CEP112: variants seen among roughly 807,000 people sequenced by gnomAD.
CEP112 encodes the protein centrosomal protein of 112 kDa.
A neutral mutation model predicts 153.0 loss-of-function variants in CEP112; 127 were observed. That is an observed-to-expected ratio of 0.83 (90% CI 0.72 to 0.96). CEP112 has a LOEUF of 0.96. CEP112 is among the 40% of genes least tolerant of loss of function. The probability of loss-of-function intolerance (pLI) is 0.00; values close to 1 mark genes in which losing one functional copy is unlikely to be tolerated. For missense variants in CEP112, 1,089 were observed against 1,101.2 expected, an observed-to-expected ratio of 0.99 and a Z score of 0.16; for synonymous variants, 358 against 374.4, an observed-to-expected ratio of 0.96 and a Z score of 0.51.
At chr17:65,791,364 C>T (rs1035995882) in intron 21 of CEP112, among the ~76,000 whole-genome samples, 1 of 152,154 alleles carries the variant, frequency 6.6e-6, no homozygotes, top group African/African-American at 2.4e-5. Context: ...GAATCAGCCA[C>T]CAGGATCTTG....
chr17:65,927,815 A>G (rs2060983209), intron 18 of CEP112, 126 bp from the exon 19 acceptor site: 1 of 461,038 alleles, frequency 2.2e-6, no homozygotes, highest in Non-Finnish European at 3.7e-6. Context: ...ATGAATTTAA[A>G]TGTATTAAAA....
chr17:65,950,699 C>CTATTATTAGTAGTAGTAG (rs57598697), intron 18 of CEP112, among the ~76,000 whole-genome samples: 57 of 147,184 alleles, frequency 3.9e-4, no homozygotes, highest in East Asian at 1.0e-3. Context: ...GGATACATTA[C>CTATTATTAGTAGTAGTAG]TAGTAGTAGT....
chr17:66,028,127 C>G (rs1024425880), intron 15 of CEP112, among the ~76,000 whole-genome samples, 186 bp downstream of exon 15: 1 of 20,378 alleles, frequency 4.9e-5, no homozygotes, highest in African/African-American at 9.2e-5. Flanking sequence ...ACTTTATTCT[C>G]TACATCTCAA....
At chr17:65,908,814 T>C (rs991493672) in intron 19 of CEP112, among the ~76,000 whole-genome samples, 4 of 152,196 alleles carry the variant, frequency 2.6e-5, no homozygotes, top group African/African-American at 9.6e-5. Context: ...TCGGCCTCCA[T>C]TTCAGAACAG....
chr17:66,083,901 A>G (rs2067820492), intron 8 of CEP112, among the ~76,000 whole-genome samples: 3 of 152,216 alleles, frequency 2.0e-5, no homozygotes, highest in Non-Finnish European at 2.9e-5. Context: ...GATTACTATC[A>G]GTATTTACAG....
intron 6 of CEP112, among the ~76,000 whole-genome samples, chr17:66,117,794 TAA>T (rs1250093304): frequency 1.3e-5 from 2 of 152,122 alleles, no homozygotes; most frequent in Non-Finnish European, 2.9e-5. Context: ...CCAAAATACA[TAA>T]AGAGTTCACA....
chr17:65,884,304 G>A (rs756276808), intron 20 of CEP112, among the ~76,000 whole-genome samples: 2 of 152,172 alleles, frequency 1.3e-5, no homozygotes, highest in African/African-American at 2.4e-5. Context: ...GCATGAAAGC[G>A]TTATTTGCAG....
intron 6 of CEP112, among the ~76,000 whole-genome samples, chr17:66,117,941 A>C (rs981564600): frequency 3.3e-5 from 5 of 152,228 alleles, no homozygotes; most frequent in African/African-American, 1.2e-4. Flanking sequence ...AAAGAAATGC[A>C]AATCAAAACC....
At chr17:66,059,549 G>A (rs1260073185) in intron 11 of CEP112, among the ~76,000 whole-genome samples, 1 of 152,150 alleles carries the variant, frequency 6.6e-6, no homozygotes, top group African/African-American at 2.4e-5. Context: ...ACGAAAAAAT[G>A]TTCAACATCA....
chr17:65,653,535 C>T (rs1013847772), intron 24 of CEP112, among the ~76,000 whole-genome samples: 1 of 151,984 alleles, frequency 6.6e-6, no homozygotes, highest in East Asian at 1.9e-4. Context: ...CAAGGGCAGG[C>T]ACTGCAATTG....
At chr17:65,981,384 C>A (rs933932345) in intron 17 of CEP112, among the ~76,000 whole-genome samples, 1 of 152,106 alleles carries the variant, frequency 6.6e-6, no homozygotes, top group Non-Finnish European at 1.5e-5. Context: ...TATTCGATAG[C>A]TAATAGCCAA....
chr17:66,100,894 G>T (rs1213065911), intron 6 of CEP112, among the ~76,000 whole-genome samples: 1 of 152,056 alleles, frequency 6.6e-6, no homozygotes, highest in Non-Finnish European at 1.5e-5. Context: ...GTAATATAGA[G>T]ATTATTTAAT....
chr17:65,731,147 A>C (rs1383686088), intron 23 of CEP112, among the ~76,000 whole-genome samples: 2 of 152,154 alleles, frequency 1.3e-5, no homozygotes, highest in African/African-American at 4.8e-5. Context: ...TGGCTTTGGC[A>C]TACAGCCTTT....
At chr17:66,024,135 C>T (rs1002023371) in intron 16 of CEP112, among the ~76,000 whole-genome samples, 3 of 152,068 alleles carry the variant, frequency 2.0e-5, no homozygotes, top group African/African-American at 4.8e-5. Flanking sequence ...ATGATAAAAA[C>T]CTTCAACAAA....
chr17:66,075,377 T>C (rs984274653), intron 8 of CEP112, among the ~76,000 whole-genome samples: 4 of 152,084 alleles, frequency 2.6e-5, no homozygotes, highest in Non-Finnish European at 4.4e-5. Flanking sequence ...TTGACTTTGA[T>C]ATGGTAAGGA....
At chr17:65,957,765 C>CT (rs1199102255) in intron 18 of CEP112, among the ~76,000 whole-genome samples, 4 of 152,092 alleles carry the variant, frequency 2.6e-5, no homozygotes, top group South Asian at 4.2e-4. Flanking sequence ...TCAAGCTTTG[C>CT]TTTTTAACTT....
intron 10 of CEP112, among the ~76,000 whole-genome samples, chr17:66,064,772 G>A (rs2067052260): frequency 6.6e-6 from 1 of 151,934 alleles, no homozygotes. Context: ...TAAACCTTAG[G>A]CATGTTTGAA....
intron 20 of CEP112, among the ~76,000 whole-genome samples, chr17:65,888,694 C>G (rs2059367789): frequency 6.6e-6 from 1 of 152,052 alleles, no homozygotes; most frequent in Non-Finnish European, 1.5e-5. Context: ...TTACTCAGCC[C>G]AAACAAATTC....
intron 6 of CEP112, among the ~76,000 whole-genome samples, chr17:66,124,721 A>C (rs994287259): frequency 5.3e-5 from 8 of 152,114 alleles, no homozygotes; most frequent in African/African-American, 1.9e-4. Context: ...AAGAAAAAAA[A>C]CACAAACAGA....
Sources: gnomAD v4.1 joint callset for allele counts (sites outside exome capture counted in the v4.1 genomes callset) on GRCh38, gnomAD v4.1.1 for gene constraint, MANE v1.5 for transcripts, NCBI Gene and HGNC (gene_info 2026-07-23, HGNC 2026-07-21) for gene names.